Variants in SLC29A3 observed in about 807,000 individuals in gnomAD.
SLC29A3 encodes the protein equilibrative nucleoside transporter 3.
Under a neutral mutation model 25.4 loss-of-function variants are expected in SLC29A3, and 18 were observed. That is an observed-to-expected ratio of 0.71 (90% CI 0.49 to 1.05). SLC29A3 has a LOEUF of 1.05. Ranked by LOEUF, SLC29A3 falls within the 50% of genes least tolerant of loss-of-function variation. SLC29A3 has a pLI of 0.00. For synonymous variants in SLC29A3, 258 were observed against 267.1 expected (o/e 0.97, Z 0.33); for missense variants, 586 against 609.0 (o/e 0.96, Z 0.40).
chr10:71,369,562 G>A lies in SLC29A3; in HGVS notation c.*95-6133G>A, dbSNP rs143792346. Among the ~76,000 whole-genome samples the A allele has an allele frequency of 2.0e-3, 307 of 152,290 alleles. 2 individuals carry two copies. Among genetic ancestry groups the A allele is most frequent in the African/African-American group, 6.4e-3 (266 of 41,564 alleles). ...AAAATGAGAACACTACAGGTGTAGC[G>A]TAAACAAATGACTGTTTGCTAAGGA... On this transcript the variant is annotated intron_variant and NMD_transcript_variant, in intron 3 of 4. Coordinates refer to the SLC29A3 transcript ENST00000642772.
chr10:71,364,559 G>A (rs1428757578), downstream of SLC29A3: 1 of 152,254 alleles, frequency 6.6e-6, no homozygotes, highest in Non-Finnish European at 1.5e-5. Context: ...CCTGCAGAAA[G>A]AACAGAACTT....
intron 3 of SLC29A3, 136 bp downstream of exon 3, chr10:71,344,427 T>C (rs1037818559): frequency 1.3e-4 from 93 of 720,102 alleles, no homozygotes; most frequent in Non-Finnish European, 2.1e-4. Flanking sequence ...CTCAGATTTA[T>C]GCATGAAGAG....
At chr10:71,331,917 C>G (rs1312679678) in intron 2 of SLC29A3, among the ~76,000 whole-genome samples, 3 of 152,158 alleles carry the variant, frequency 2.0e-5, no homozygotes, top group African/African-American at 7.2e-5. Flanking sequence ...AGACCCTTCC[C>G]TGATGGCTTT....
rs192480576 is a variant in SLC29A3 at position 71,324,925 on chromosome 10, G to A, written c.300+1871G>A. 3.8e-3 allele frequency among the ~76,000 whole-genome samples: 585 copies of A among 152,302 alleles called. 3 individuals are homozygous for A. Among genetic ancestry groups the A allele is most frequent in the Admixed American group, 8.8e-3 (134 of 15,298 alleles). ...AGGATGGGGCTCAGAGGAGCCTGAC[G>A]AAAGTTAGGTCAATGAGAGTCTTGG... is the stretch of plus-strand genomic sequence containing the variant. On this transcript the variant is annotated intron_variant, in intron 2 of 5. Coordinates refer to ENST00000373189, the MANE Select transcript of SLC29A3 (RefSeq NM_018344.6).
chr10:71,325,410 T>C (rs55965193), intron 2 of SLC29A3, among the ~76,000 whole-genome samples: 6,035 of 152,256 alleles, frequency 0.04, 400 homozygotes, highest in African/African-American at 0.14. Context: ...TGTTATGTCA[T>C]CGGCACATTA....
rs746408350 is a variant in SLC29A3 at position 71,322,827 on chromosome 10, C to T, written c.73C>T (p.Arg25Ter). 29 of 1,614,090 alleles carry T rather than the reference C, an allele frequency of 1.8e-5. No homozygotes were observed. Among genetic ancestry groups the T allele is most frequent in the South Asian group, 1.5e-4 (14 of 91,088 alleles). Residue 25 changes from arginine to a stop codon, truncating the protein, a stop_gained, in exon 2 of 6, where the codon CGA (arginine) becomes TGA (stop). Transcript: ENST00000373189. LOFTEE classifies it high-confidence loss of function. ...CTACAGAACCACAAGCAGCAGTCTC[C>T]GAGCTGACCAGGAGGCACTGCTTGA... The part of the protein sequence containing the change: ...STYRTTSSSL[R>*]ADQEALLEKL...
At chr10:71,363,508 G>A (rs1847124211), downstream of SLC29A3, 1 of 370,164 alleles carries the variant, frequency 2.7e-6, no homozygotes, top group African/African-American at 2.1e-5. Flanking sequence ...CTGTCACCCA[G>A]GCTGGAGTGC....
chr10:71,354,935 G>A (rs1029565220), intron 4 of SLC29A3, among the ~76,000 whole-genome samples: 4 of 152,230 alleles, frequency 2.6e-5, no homozygotes, highest in African/African-American at 9.6e-5. Flanking sequence ...TGGTGCCAGT[G>A]TTCCCAAGCA....
chr10:71,324,198 G>A (rs1032834561), intron 2 of SLC29A3, among the ~76,000 whole-genome samples: 2 of 152,334 alleles, frequency 1.3e-5, no homozygotes, highest in Non-Finnish European at 2.9e-5. Context: ...AAGAGGAGAC[G>A]TCAAGGCGAG....
At chr10:71,323,920 A>G (rs959634804) in intron 2 of SLC29A3, among the ~76,000 whole-genome samples, 1 of 152,194 alleles carries the variant, frequency 6.6e-6, no homozygotes, top group Non-Finnish European at 1.5e-5. Flanking sequence ...TCTTGAGATC[A>G]TTGCCTGGGG....
At chr10:71,364,852 G>T (rs10999784), downstream of SLC29A3, 1 of 152,204 alleles carries the variant, frequency 6.6e-6, no homozygotes, top group Non-Finnish European at 1.5e-5. Context: ...CTCCCCCTTG[G>T]TTTTTTCATT....
rs2131796684 is a variant in SLC29A3, at chr10:71,322,864, A to G, written c.110A>G (p.Asp37Gly). 1 of 1,614,162 alleles carries G rather than the reference A, an allele frequency of 6.2e-7. No individual in the cohort carries two copies. The highest frequency in any genetic ancestry group is 1.3e-5 in the African/African-American group (1 of 75,028). The change falls in exon 2 of 6, where the codon GAC (aspartate) becomes GGC (glycine). Residue 37 changes from aspartate to glycine, a missense_variant. Transcript: ENST00000373189. ...GAGGCACTGCTTGAGAAGCTGCTGGACCGCCCGCCCCCTGGCCTGCAGAGG... is the reference window on the plus strand; with the variant it reads ...GAGGCACTGCTTGAGAAGCTGCTGGGCCGCCCGCCCCCTGGCCTGCAGAGG... ...DQEALLEKLL[D>G]RPPPGLQRPE...
chr10:71,352,719 A>G (rs184941138), intron 4 of SLC29A3: 3 of 152,208 alleles, frequency 2.0e-5, no homozygotes, highest in African/African-American at 4.8e-5. Context: ...CCTCTAGCTG[A>G]TGTTTGATGC....
intron 1 of SLC29A3, among the ~76,000 whole-genome samples, chr10:71,322,539 G>A (rs547054381): frequency 1.3e-5 from 2 of 152,270 alleles, no homozygotes; most frequent in African/African-American, 4.8e-5. Context: ...GACCTCTGAG[G>A]ACACTTACAG....
At chr10:71,372,771 C>G (rs1055034254) in intron 3 of SLC29A3, among the ~76,000 whole-genome samples, 27 of 152,196 alleles carry the variant, frequency 1.8e-4, no homozygotes, top group African/African-American at 6.5e-4. Context: ...AGGGCAGGGC[C>G]TTTGCATTTT....
rs764417241 is a variant in SLC29A3, at chr10:71,362,524, C to T, written c.1344C>T (p.Ala448=). The T allele has an allele frequency of 6.2e-7, 1 of 1,614,160 alleles. No individual in the cohort carries two copies. The highest frequency in any genetic ancestry group is 1.1e-5 in the South Asian group (1 of 91,088). Residue 448 remains alanine, a synonymous_variant, in exon 6 of 6, where the codon GCC becomes GCT. Transcript: ENST00000373189. Reference sequence around the variant, plus strand: ...TTGTGCCCAGGGAGCTGGCTGAGGCCACGGGAGTGGTGATGTCCTTTTATG... The same window carrying T: ...TTGTGCCCAGGGAGCTGGCTGAGGCTACGGGAGTGGTGATGTCCTTTTATG... ...PKIVPRELAE[A]TGVVMSFYVC... is the part of the protein sequence containing the mutation.
exon 5 of SLC29A3, chr10:71,380,920 C>T (rs906189492): frequency 6.6e-6 from 1 of 152,030 alleles, no homozygotes; most frequent in Admixed American, 6.5e-5. Flanking sequence ...CCAACATTTA[C>T]CAGAAAAACC....
chr10:71,320,430 T>C (rs7090611), intron 1 of SLC29A3, among the ~76,000 whole-genome samples: 72,448 of 152,040 alleles, frequency 0.48, 18,155 homozygotes, highest in African/African-American at 0.65. Context: ...ATCTGGAGGC[T>C]GGGAAGGGCA....
exon 5 of SLC29A3, chr10:71,380,370 G>A (rs889301133): frequency 2.0e-5 from 3 of 152,180 alleles, no homozygotes; most frequent in Admixed American, 2.0e-4. Flanking sequence ...TGCTGACTTT[G>A]AGCGAGTCCT....
Sources: gnomAD v4.1 joint callset for allele counts (sites outside exome capture counted in the v4.1 genomes callset) on GRCh38, gnomAD v4.1.1 for gene constraint, MANE v1.5 for transcripts, NCBI Gene and HGNC (gene_info 2026-07-23, HGNC 2026-07-21) for gene names.